Variants in ITIH5 observed in about 807,000 individuals in gnomAD.
ITIH5 encodes the protein inter-alpha-trypsin inhibitor heavy chain H5.
ITIH5 carries 65 observed loss-of-function variants against 77.5 expected under a neutral mutation model. The observed-to-expected ratio is 0.84, with a 90% CI of 0.69 to 1.03. ITIH5 has a LOEUF of 1.03. Among genes scored for constraint, ITIH5 ranks in the 50% least tolerant of loss-of-function variants. The pLI is 0.00. For synonymous variants in ITIH5, 525 were observed against 494.3 expected (o/e 1.06, Z -0.82); for missense variants, 1,208 against 1,213.1 (o/e 1.00, Z 0.06).
In ITIH5 at chr10:7,562,018, G is replaced by A. The variant is rs747342372; in HGVS notation, c.*1065C>T. On this transcript the variant is annotated 3_prime_UTR_variant, in exon 14 of 14. Coordinates refer to ENST00000397146, the MANE Select transcript of ITIH5 (RefSeq NM_030569.7). The stretch of plus-strand genomic sequence containing the variant: ...TTTTGGAACCAAAGCCCCTGTCCAC[G>A]AGCTGGTTTCCTGACTTTTTTTCTA... 11 of 152,164 alleles carry A rather than the reference G, an allele frequency of 7.2e-5. No individual in the cohort carries two copies. Among genetic ancestry groups the A allele is most frequent in the East Asian group, 1.9e-4 (1 of 5,184 alleles). 9.4% of individuals were successfully genotyped at this position (152,164 alleles called of 1,614,324 possible). A position where few individuals can be genotyped will look rare whatever the true frequency, so the allele number is the denominator to read the frequency against.
chr10:7,600,590 C>T (rs1464506291), intron 7 of ITIH5: 1 of 456,742 alleles, frequency 2.2e-6, no homozygotes, highest in East Asian at 6.9e-5. Context: ...TGGGAAATCA[C>T]TAATTATCTG....
At chr10:7,610,575 G>A (rs1457060654) in intron 7 of ITIH5, among the ~76,000 whole-genome samples, 1 of 152,208 alleles carries the variant, frequency 6.6e-6, no homozygotes, top group Non-Finnish European at 1.5e-5. Flanking sequence ...GTGGATGCAT[G>A]ACAAATGTCC....
At chr10:7,626,954 A>T (rs1833589551) in intron 5 of ITIH5, among the ~76,000 whole-genome samples, 1 of 152,188 alleles carries the variant, frequency 6.6e-6, no homozygotes, top group Non-Finnish European at 1.5e-5. Flanking sequence ...AAGTGCTGAA[A>T]ACCTGATAGC....
At chr10:7,580,245 C>T (rs770868205) in intron 8 of ITIH5, among the ~76,000 whole-genome samples, 181 bp from the exon 9 acceptor site, 5 of 152,156 alleles carry the variant, frequency 3.3e-5, no homozygotes, top group Non-Finnish European at 7.4e-5. Context: ...CTCAGCCTCC[C>T]GAGTAGCTGG....
chr10:7,661,140 G>A (rs1365511563), intron 1 of ITIH5, among the ~76,000 whole-genome samples: 1 of 152,180 alleles, frequency 6.6e-6, no homozygotes, highest in Non-Finnish European at 1.5e-5. Context: ...GATTTTAGGT[G>A]GAACAATTTC....
chr10:7,646,093 T>C (rs1156943732), intron 2 of ITIH5, among the ~76,000 whole-genome samples: 1 of 152,250 alleles, frequency 6.6e-6, no homozygotes, highest in South Asian at 2.1e-4. Context: ...AACTGGTGTA[T>C]AAGAAATGCC....
chr10:7,595,693 G>A (rs1488442915), intron 7 of ITIH5, among the ~76,000 whole-genome samples: 1 of 152,232 alleles, frequency 6.6e-6, no homozygotes, highest in South Asian at 2.1e-4. Flanking sequence ...AATTCTTCCA[G>A]GCACAAGGCA....
rs553504597 is a variant in ITIH5, at chr10:7,560,890, A to G, written c.*2193T>C. 1 of 152,278 alleles carries G rather than the reference A, an allele frequency of 6.6e-6. No homozygotes were observed. Among genetic ancestry groups the G allele is most frequent in the East Asian group, 1.9e-4 (1 of 5,184 alleles). 9.4% of individuals were successfully genotyped at this position (152,278 alleles called of 1,614,324 possible). ...CATTAAGTATGTTGTATGACTTGGC[A>G]AAAACCACTCCACGGCACTCTCTGC... On this transcript the variant is annotated 3_prime_UTR_variant, in exon 14 of 14. Transcript: ENST00000397146.
chr10:7,649,265 C>T (rs533025745), intron 2 of ITIH5, among the ~76,000 whole-genome samples: 1 of 151,532 alleles, frequency 6.6e-6, no homozygotes, highest in Non-Finnish European at 1.5e-5. Context: ...CTTCTTTCTT[C>T]CCCCTTCTTC....
Position 7,572,246 on chromosome 10 carries a change from T to C in ITIH5, c.2032+896A>G, listed in dbSNP as rs949452816. On this transcript the variant is annotated intron_variant, in intron 11 of 13. Coordinates refer to ENST00000397146, the MANE Select transcript of ITIH5 (RefSeq NM_030569.7). ...CAGCACAGCAGCAGAAAGGCAACAA[T>C]CAAGACTTCCAGAGGATGATCTGGA... 1.5e-5 allele frequency: 20 copies of C among 1,312,574 alleles called. No individual in the cohort carries two copies. The African/African-American group carries it at 2.7e-4, about 18-fold the overall frequency. 81.3% of individuals were successfully genotyped at this position (1,312,574 alleles called of 1,614,324 possible). A position where few individuals can be genotyped will look rare whatever the true frequency, so the allele number is the denominator to read the frequency against.
rs1218267967 is a variant in ITIH5, at chr10:7,609,314, T to G, written c.939+6668A>C. On this transcript the variant is annotated intron_variant, in intron 7 of 13. Coordinates refer to ENST00000397146, the MANE Select transcript of ITIH5 (RefSeq NM_030569.7). Reference sequence around the variant, plus strand: ...ATTTATTGTTTGTGGGCTGGTAGTTTGGCAGCAAATGTCATTACCCACTGT... The same window carrying G: ...ATTTATTGTTTGTGGGCTGGTAGTTGGGCAGCAAATGTCATTACCCACTGT... 1.0e-5 allele frequency: 4 copies of G among 386,334 alleles called. No individual in the cohort carries two copies. The East Asian group carries it at 2.9e-4, about 28-fold the overall frequency. The allele number at this position is 386,334 out of a possible 1,614,324, so 23.9% of individuals were successfully genotyped here. A position where few individuals can be genotyped will look rare whatever the true frequency, so the allele number is the denominator to read the frequency against.
At chr10:7,586,147 G>A (rs3841465) in intron 7 of ITIH5, 78 bp from the exon 8 acceptor site, 44 of 725,526 alleles carry the variant, frequency 6.1e-5, no homozygotes, top group Middle Eastern at 5.7e-4. Context: ...AACCGCCCCC[G>A]CCCCCCAGGA....
At chr10:7,599,911 T>C (rs1376026081) in intron 7 of ITIH5, among the ~76,000 whole-genome samples, 2 of 152,152 alleles carry the variant, frequency 1.3e-5, no homozygotes, top group Admixed American at 6.5e-5. Context: ...AGGTCGCCAA[T>C]GAGACTGGAG....
chr10:7,627,230 C>T (rs1331389227), intron 5 of ITIH5, among the ~76,000 whole-genome samples: 1 of 151,380 alleles, frequency 6.6e-6, no homozygotes, highest in Non-Finnish European at 1.5e-5. Flanking sequence ...GTGCAGCAAA[C>T]CACCATGGCA....
chr10:7,638,088 T>G (rs1395674396), intron 4 of ITIH5, among the ~76,000 whole-genome samples: 1 of 152,108 alleles, frequency 6.6e-6, no homozygotes, highest in African/African-American at 2.4e-5. Flanking sequence ...TTTCAAGAAG[T>G]TTCCAGAAGG....
In ITIH5 at chr10:7,637,290, A is replaced by G; in HGVS notation, c.590T>C (p.Ile197Thr). The change falls in exon 5 of 14, where the codon ATC (isoleucine) becomes ACC (threonine). Residue 197 changes from isoleucine to threonine, a missense_variant. By Grantham distance (89) the Ile-to-Thr change is moderately conservative. Coordinates refer to ENST00000397146, the MANE Select transcript of ITIH5 (RefSeq NM_030569.7). ...AAGCGGCAGCACCTCCAGGGATGCGATGCCCGCGCTCTCCAGGATATTCAC... is the reference window on the plus strand; with the variant it reads ...AAGCGGCAGCACCTCCAGGGATGCGGTGCCCGCGCTCTCCAGGATATTCAC... ...VDVNILESAG[I>T]ASLEVLPLHN... 6.2e-7 allele frequency: 1 copy of G among 1,612,884 alleles called. No homozygotes were observed. Among genetic ancestry groups the G allele is most frequent in the Non-Finnish European group, 8.5e-7 (1 of 1,180,030 alleles).
rs371793885 is a variant in ITIH5 at position 7,580,006 on chromosome 10, G to A, written c.1167C>T (p.Ala389=). Residue 389 remains alanine, a synonymous_variant, in exon 9 of 14, where the codon GCC becomes GCT. Coordinates refer to ENST00000397146, the MANE Select transcript of ITIH5 (RefSeq NM_030569.7). ...RAIRLLNKYV[A]HSGIGDRSVS... is the part of the protein sequence containing the mutation. ...CGCTCCGGTCTCCAATGCCACTGTGGGCCACGTACTTGTTGAGGAGCCTGA... is the reference window on the plus strand; with the variant it reads ...CGCTCCGGTCTCCAATGCCACTGTGAGCCACGTACTTGTTGAGGAGCCTGA... 1 of 1,613,768 alleles carries A rather than the reference G, an allele frequency of 6.2e-7. No homozygotes were observed. Among genetic ancestry groups the A allele is most frequent in the Middle Eastern group, 1.7e-4 (1 of 5,986 alleles).
intron 13 of ITIH5, among the ~76,000 whole-genome samples, chr10:7,563,797 T>C (rs981634906): frequency 1.3e-5 from 2 of 152,178 alleles, no homozygotes; most frequent in African/African-American, 4.8e-5. Context: ...TGGAAAGCAG[T>C]CAGCTCAGAT....
At chr10:7,657,034 G>T (rs1384997346) in intron 1 of ITIH5, among the ~76,000 whole-genome samples, 1 of 129,160 alleles carries the variant, frequency 7.7e-6, no homozygotes, top group Non-Finnish European at 1.6e-5. Flanking sequence ...GAGCCACCGC[G>T]TTCGGCCTTT....
Sources: gnomAD v4.1 joint callset for allele counts (sites outside exome capture counted in the v4.1 genomes callset) on GRCh38, gnomAD v4.1.1 for gene constraint, MANE v1.5 for transcripts, NCBI Gene and HGNC (gene_info 2026-07-23, HGNC 2026-07-21) for gene names.